Variants in EVL observed in about 807,000 individuals in gnomAD.
The protein encoded by EVL is Enah/Vasp-like, also known as ena/VASP-like protein.
A neutral mutation model predicts 59.6 loss-of-function variants in EVL; 21 were observed. That is an observed-to-expected ratio of 0.35 (90% CI 0.25 to 0.51). The LOEUF (loss-of-function observed/expected upper bound fraction) is 0.51, where lower values mean the gene tolerates loss of function less well. Among genes scored for constraint, EVL ranks in the 20% least tolerant of loss-of-function variants. The probability of loss-of-function intolerance (pLI) is 0.97; values close to 1 mark genes in which losing one functional copy is unlikely to be tolerated. For missense variants in EVL, 462 were observed against 546.6 expected, an observed-to-expected ratio of 0.85 and a Z score of 1.54; for synonymous variants, 198 against 203.5, an observed-to-expected ratio of 0.97 and a Z score of 0.23.
chr14:100,001,951 T>G (rs2060948737), intron 1 of EVL, among the ~76,000 whole-genome samples: 1 of 152,206 alleles, frequency 6.6e-6, no homozygotes, highest in African/African-American at 2.4e-5. Context: ...TTGCCATACA[T>G]TAAGAATACT....
chr14:100,036,585 A>G (rs1405671478), intron 1 of EVL, among the ~76,000 whole-genome samples: 1 of 152,186 alleles, frequency 6.6e-6, no homozygotes, highest in Admixed American at 6.5e-5. Flanking sequence ...TAAACAACAA[A>G]TTTCATTGTT....
intron 1 of EVL, among the ~76,000 whole-genome samples, chr14:100,001,784 G>A (rs1012807781): frequency 6.6e-6 from 1 of 152,186 alleles, no homozygotes; most frequent in Non-Finnish European, 1.5e-5. Flanking sequence ...GACAAGGTAT[G>A]AGGCTAGTTT....
intron 1 of EVL, among the ~76,000 whole-genome samples, chr14:100,037,070 G>A (rs1373513323): frequency 1.3e-5 from 2 of 152,178 alleles, no homozygotes; most frequent in Non-Finnish European, 2.9e-5. Context: ...TTCCTCTTGG[G>A]CTTCCAAAAC....
upstream of EVL, among the ~76,000 whole-genome samples, chr14:100,062,222 GTA>G (rs57785687): frequency 0.93 from 139,223 of 149,550 alleles, 64,958 homozygotes; most frequent in African/African-American, 0.95. Context: ...ATATATATAT[GTA>G]TATATATATA....
upstream of EVL, among the ~76,000 whole-genome samples, chr14:100,062,224 A>G (rs77080106): frequency 0.18 from 299 of 1,634 alleles, no homozygotes; most frequent in African/African-American, 0.34. Context: ...ATATATATGT[A>G]TATATATATA....
chr14:100,022,405 G>C (rs1226013360), intron 1 of EVL, among the ~76,000 whole-genome samples: 1 of 151,586 alleles, frequency 6.6e-6, no homozygotes, highest in Non-Finnish European at 1.5e-5. Flanking sequence ...AGCCTCCCAA[G>C]TAGCTGTGAT....
intron 1 of EVL, among the ~76,000 whole-genome samples, chr14:99,976,880 A>G (rs1423424274): frequency 6.6e-6 from 1 of 152,172 alleles, no homozygotes; most frequent in East Asian, 1.9e-4. Context: ...TCAAACACTG[A>G]GCTCACTTTC....
chr14:99,972,199 G>A lies in EVL; in HGVS notation c.5+142G>A. The A allele has an allele frequency of 5.2e-6, 1 of 192,774 alleles. No individual in the cohort carries two copies. The highest frequency in any genetic ancestry group is 1.1e-5 in the Non-Finnish European group (1 of 94,000). The allele number at this position is 192,774 out of a possible 1,614,324, so 11.9% of individuals were successfully genotyped here. A position where few individuals can be genotyped will look rare whatever the true frequency, so the allele number is the denominator to read the frequency against. Reference sequence around the variant, plus strand: ...CAGAGAACCGCGGGGGCTCTGCAGAGATTCGGGGGCATTCAGAGCGCGGGA... The same window carrying A: ...CAGAGAACCGCGGGGGCTCTGCAGAAATTCGGGGGCATTCAGAGCGCGGGA... On this transcript the variant is annotated intron_variant, in intron 1 of 13. Transcript: ENST00000402714. The surrounding 1 kb of genome is among the most constrained non-coding windows in gnomAD (Gnocchi z 4.4).
chr14:100,014,743 G>A (rs1461524382), intron 1 of EVL, among the ~76,000 whole-genome samples: 2 of 152,164 alleles, frequency 1.3e-5, no homozygotes, highest in African/African-American at 4.8e-5. Flanking sequence ...AACTGTGCAG[G>A]AAGGGAGTAA....
At position 100,127,274 on chromosome 14, in the gene EVL, C is replaced by T. The variant is rs1011570487; in HGVS notation, c.487+503C>T. Among the ~76,000 whole-genome samples the T allele has an allele frequency of 1.3e-5, 2 of 152,190 alleles. No individual in the cohort carries two copies. The highest frequency in any genetic ancestry group is 2.4e-5 in the African/African-American group (1 of 41,438). Reference sequence around the variant, plus strand: ...AGCTTAGCACGTTAAAGGAGAAGGACGAGGGTTTTCCAGAAATTGTCATGT... The same window carrying T: ...AGCTTAGCACGTTAAAGGAGAAGGATGAGGGTTTTCCAGAAATTGTCATGT... On this transcript the variant is annotated intron_variant, in intron 5 of 13. Transcript: ENST00000392920. The surrounding 1 kb of genome is among the most constrained non-coding windows in gnomAD (Gnocchi z 4.2).
At chr14:100,105,515 G>GCGC (rs1265123715) in intron 3 of EVL, among the ~76,000 whole-genome samples, 1 of 151,652 alleles carries the variant, frequency 6.6e-6, no homozygotes, top group African/African-American at 2.4e-5. Flanking sequence ...GCCAGGCAAG[G>GCGC]CGCCCTTCAG....
chr14:100,013,323 A>G (rs1014151838), intron 1 of EVL, among the ~76,000 whole-genome samples: 2 of 152,268 alleles, frequency 1.3e-5, no homozygotes, highest in Non-Finnish European at 2.9e-5. Flanking sequence ...GGTTTTGGTC[A>G]GGAGGGCAAC....
intron 1 of EVL, among the ~76,000 whole-genome samples, chr14:100,040,884 A>T (rs1159882354): frequency 6.6e-6 from 1 of 152,208 alleles, no homozygotes; most frequent in Non-Finnish European, 1.5e-5. Context: ...TTGAGAAATT[A>T]ATGGTAGTTA....
chr14:100,052,216 T>C (rs2061658766), intron 1 of EVL, among the ~76,000 whole-genome samples: 1 of 152,210 alleles, frequency 6.6e-6, no homozygotes, highest in South Asian at 2.1e-4. Context: ...AAGGTCAAAC[T>C]TTTTCTGACA....
chr14:100,123,814 G>A (rs1343897103), intron 4 of EVL, among the ~76,000 whole-genome samples: 2 of 152,232 alleles, frequency 1.3e-5, no homozygotes, highest in Non-Finnish European at 2.9e-5. Flanking sequence ...AGGAATGACT[G>A]TGGGAGTCTG....
chr14:100,133,730 G>A (rs1357575180), intron 8 of EVL, among the ~76,000 whole-genome samples: 1 of 152,156 alleles, frequency 6.6e-6, no homozygotes, highest in Admixed American at 6.5e-5. Context: ...CTGAGGTCAG[G>A]AGTTTGAGAC....
chr14:100,065,526 C>T lies in EVL; in HGVS notation c.11+15C>T. Reference sequence around the variant, plus strand: ...ATGGCCACAAGGTGAGTATTGGAACCAGTGCAGGGGACAGAGGGATGTCAA... The same window carrying T: ...ATGGCCACAAGGTGAGTATTGGAACTAGTGCAGGGGACAGAGGGATGTCAA... On this transcript the variant is annotated intron_variant, in intron 1 of 13. Transcript: ENST00000392920. 1 of 1,497,532 alleles carries T rather than the reference C, an allele frequency of 6.7e-7. No individual in the cohort carries two copies. The highest frequency in any genetic ancestry group is 2.5e-5 in the East Asian group (1 of 40,728). The allele number at this position is 1,497,532 out of a possible 1,614,324, so 92.8% of individuals were successfully genotyped here.
intron 3 of EVL, among the ~76,000 whole-genome samples, chr14:100,105,815 T>C (rs998349384): frequency 1.3e-5 from 2 of 151,956 alleles, no homozygotes; most frequent in African/African-American, 4.8e-5. Flanking sequence ...TAGTAGTGGT[T>C]GTAGCAGCAG....
chr14:100,053,706 C>G (rs954986509), intron 1 of EVL, among the ~76,000 whole-genome samples: 1 of 152,152 alleles, frequency 6.6e-6, no homozygotes, highest in Non-Finnish European at 1.5e-5. Flanking sequence ...TTTGTAACCA[C>G]CATCTTTATC....
Sources: gnomAD v4.1 joint callset for allele counts (sites outside exome capture counted in the v4.1 genomes callset) on GRCh38, gnomAD v4.1.1 for gene constraint, Gnocchi (gnomAD v3.1) non-coding constraint, MANE v1.5 for transcripts, NCBI Gene and HGNC (gene_info 2026-07-23, HGNC 2026-07-21) for gene names.